The following PTPRD variants were observed in gnomAD, a reference collection of about 807,000 sequenced individuals.
The protein encoded by PTPRD is protein tyrosine phosphatase receptor type D.
In PTPRD, 34 loss-of-function variants were observed where a neutral mutation model predicts 214.5. The ratio of observed to expected loss-of-function variants is 0.16; its 90% CI spans 0.12 to 0.21. The LOEUF is 0.21. Ranked by LOEUF, PTPRD falls within the 10% of genes least tolerant of loss-of-function variation. PTPRD has a pLI of 1.00. For synonymous variants in PTPRD, 1,128 were observed against 845.7 expected, an observed-to-expected ratio of 1.33 and a Z score of -5.79; for missense variants, 2,545 against 2,398.7, an observed-to-expected ratio of 1.06 and a Z score of -1.27.
chr9:9,909,053 A>C (rs765503772), intron 5 of PTPRD, among the ~76,000 whole-genome samples: 9 of 139,678 alleles, frequency 6.4e-5, no homozygotes, highest in South Asian at 2.2e-4. Flanking sequence ...TTTTTTTCAC[A>C]TATTTTCCAG....
intron 3 of PTPRD, among the ~76,000 whole-genome samples, chr9:10,201,831 C>G (rs2099426332): frequency 6.6e-6 from 1 of 151,884 alleles, no homozygotes; most frequent in Admixed American, 6.6e-5. Context: ...GAAAATACAT[C>G]AAAATCTGAT....
chr9:9,735,853 T>C (rs983115706), intron 6 of PTPRD, among the ~76,000 whole-genome samples: 2 of 152,146 alleles, frequency 1.3e-5, no homozygotes, highest in African/African-American at 2.4e-5. Flanking sequence ...TTTTAAGTTA[T>C]TTCTTTGCGG....
intron 14 of PTPRD, among the ~76,000 whole-genome samples, chr9:8,560,784 G>A (rs1483464408): frequency 6.6e-6 from 1 of 152,120 alleles, no homozygotes; most frequent in East Asian, 1.9e-4. Context: ...TTCACAACAG[G>A]GTTATCCAGT....
chr9:10,392,543 G>T (rs2098088847), intron 2 of PTPRD, among the ~76,000 whole-genome samples: 1 of 151,946 alleles, frequency 6.6e-6, no homozygotes, highest in East Asian at 1.9e-4. Flanking sequence ...TTTACACAGT[G>T]CAGTGAATGT....
chr9:8,966,884 T>C (rs1293962037), intron 11 of PTPRD, among the ~76,000 whole-genome samples: 2 of 151,740 alleles, frequency 1.3e-5, no homozygotes, highest in African/African-American at 4.8e-5. Flanking sequence ...ATCCAGAATC[T>C]ATAAGGAACT....
intron 2 of PTPRD, among the ~76,000 whole-genome samples, chr9:10,479,489 A>C (rs2099083106): frequency 1.3e-5 from 2 of 152,102 alleles, no homozygotes; most frequent in South Asian, 4.1e-4. Flanking sequence ...ACTTTAAACC[A>C]CACATTTTGA....
At chr9:8,508,348 A>G (rs2097582645) in intron 21 of PTPRD, among the ~76,000 whole-genome samples, 1 of 152,186 alleles carries the variant, frequency 6.6e-6, no homozygotes. Context: ...ACCTAAGCCT[A>G]TCAGTTCCCC....
At chr9:10,551,614 G>T (rs28619147) in intron 2 of PTPRD, among the ~76,000 whole-genome samples, 2 of 152,056 alleles carry the variant, frequency 1.3e-5, no homozygotes, top group Admixed American at 1.3e-4. Context: ...AACCAGACAT[G>T]GAATCTGCCA....
intron 5 of PTPRD, among the ~76,000 whole-genome samples, chr9:9,784,451 G>A (rs1231616698): frequency 6.6e-6 from 1 of 152,044 alleles, no homozygotes; most frequent in Non-Finnish European, 1.5e-5. Flanking sequence ...ATTATTTTAA[G>A]TCATTCTAAT....
At chr9:10,410,278 C>T (rs1275315162) in intron 2 of PTPRD, among the ~76,000 whole-genome samples, 2 of 92,708 alleles carry the variant, frequency 2.2e-5, no homozygotes, top group East Asian at 6.0e-4. Context: ...TATACACACA[C>T]ACACACAATA....
chr9:9,275,108 TTATA>T (rs1174968792), intron 9 of PTPRD, among the ~76,000 whole-genome samples: 1 of 69,750 alleles, frequency 1.4e-5, no homozygotes, highest in African/African-American at 6.3e-5. Flanking sequence ...ATATAATATA[TTATA>T]TATATATTAT....
intron 7 of PTPRD, among the ~76,000 whole-genome samples, chr9:9,723,697 T>C (rs150446563): frequency 2.1e-3 from 321 of 152,200 alleles, no homozygotes; most frequent in African/African-American, 7.3e-3. Flanking sequence ...GTTTTCCCCA[T>C]TAATTGAAGT....
rs2099219830 is a variant in PTPRD, at chr9:10,172,931, A to G, written c.-544-139141T>C. On this transcript the variant is annotated intron_variant, in intron 3 of 45. Coordinates refer to ENST00000381196, the MANE Select transcript of PTPRD (RefSeq NM_002839.4). ...ATGCATACTTATAAATAAAAATGTT[A>G]ACTTAAATAAAACTAATAGTGAAAA... is the stretch of plus-strand genomic sequence containing the variant. Among the ~76,000 whole-genome samples, 3 of 149,626 alleles carry G rather than the reference A, an allele frequency of 2.0e-5. No homozygotes were observed. The South Asian group carries it at 6.6e-4, about 33-fold the overall frequency.
At chr9:9,189,348 G>C (rs1056315771) in intron 9 of PTPRD, among the ~76,000 whole-genome samples, 3 of 152,022 alleles carry the variant, frequency 2.0e-5, no homozygotes, top group Admixed American at 1.3e-4. Flanking sequence ...GGCTAACGTA[G>C]TAGTTAACTG....
chr9:10,490,177 T>C (rs1156471062), intron 2 of PTPRD, among the ~76,000 whole-genome samples: 2 of 152,158 alleles, frequency 1.3e-5, no homozygotes, highest in Non-Finnish European at 1.5e-5. Context: ...GATATAGTTA[T>C]TTTTCTCTAT....
intron 3 of PTPRD, among the ~76,000 whole-genome samples, chr9:10,208,452 T>G (rs1424324845): frequency 6.6e-6 from 1 of 152,300 alleles, no homozygotes; most frequent in South Asian, 2.1e-4. Flanking sequence ...AGGCGGAGCT[T>G]GCAGTGAACG....
At chr9:8,730,115 G>A (rs1217341564) in intron 12 of PTPRD, among the ~76,000 whole-genome samples, 1 of 152,136 alleles carries the variant, frequency 6.6e-6, no homozygotes, top group African/African-American at 2.4e-5. Context: ...AATTAGCCGG[G>A]CGAGGTGGCG....
intron 8 of PTPRD, among the ~76,000 whole-genome samples, chr9:9,478,176 C>A (rs1372287987): frequency 6.6e-6 from 1 of 152,086 alleles, no homozygotes; most frequent in Non-Finnish European, 1.5e-5. Context: ...CTGTTAATAA[C>A]TTGAACATTT....
chr9:8,363,458 G>C (rs1191471144), intron 39 of PTPRD, among the ~76,000 whole-genome samples: 1 of 151,642 alleles, frequency 6.6e-6, no homozygotes. Context: ...AATCAACCAG[G>C]TGAAAATGGC....
Sources: allele counts gnomAD v4.1 joint callset (sites outside exome capture counted in the v4.1 genomes callset), GRCh38; gene constraint gnomAD v4.1.1; transcripts MANE v1.5; gene names NCBI Gene and HGNC (gene_info 2026-07-23, HGNC 2026-07-21).